SPAG9: variants seen among roughly 807,000 people sequenced by gnomAD.
SPAG9 encodes sperm associated antigen 9.
A neutral mutation model predicts 166.5 loss-of-function variants in SPAG9; 35 were observed. The ratio of observed to expected loss-of-function variants is 0.21; its 90% confidence interval spans 0.16 to 0.28. SPAG9 has a LOEUF of 0.28. SPAG9 is among the 10% of genes least tolerant of loss of function. The pLI is 1.00. For missense variants in SPAG9, 1,235 were observed against 1,603.3 expected (o/e 0.77, Z 3.92); for synonymous variants, 534 against 565.5 (o/e 0.94, Z 0.79).
At chr17:50,969,769 C>T (rs778113389) in intron 29 of SPAG9, among the ~76,000 whole-genome samples, 50 of 152,272 alleles carry the variant, frequency 3.3e-4, no homozygotes, top group Middle Eastern at 3.4e-3. Flanking sequence ...ACCCCATTCC[C>T]CAACCTGACC....
At chr17:50,975,052 G>T in intron 27 of SPAG9, 105 bp from the exon 28 acceptor site, 1 of 1,091,408 alleles carries the variant, frequency 9.2e-7, no homozygotes, top group Non-Finnish European at 1.3e-6. Context: ...GCTACAGCCA[G>T]TTGAGATAAA....
chr17:51,090,482 G>A (rs2048435655), intron 1 of SPAG9, among the ~76,000 whole-genome samples: 1 of 152,014 alleles, frequency 6.6e-6, no homozygotes, highest in South Asian at 2.1e-4. Flanking sequence ...GTCCAGCCTG[G>A]GCAACAGAGC....
chr17:51,001,877 G>A, intron 12 of SPAG9, 32 bp from the exon 13 acceptor site: 1 of 1,600,046 alleles, frequency 6.2e-7, no homozygotes, highest in Non-Finnish European at 8.5e-7. Context: ...ATATCATTCT[G>A]GAAGCTTATA....
chr17:51,005,116 CTT>C, intron 12 of SPAG9, 94 bp downstream of exon 12: 1 of 1,020,348 alleles, frequency 9.8e-7, no homozygotes, highest in Non-Finnish European at 1.5e-6. Flanking sequence ...TTTTAAAAAT[CTT>C]TATAGTATTA....
At chr17:51,067,440 C>T (rs1598118444) in intron 2 of SPAG9, among the ~76,000 whole-genome samples, 1 of 152,146 alleles carries the variant, frequency 6.6e-6, no homozygotes, top group Non-Finnish European at 1.5e-5. Flanking sequence ...TAGACATCCT[C>T]GAAAGCCTCA....
At chr17:51,005,575 G>T (rs1351428756) in intron 11 of SPAG9, among the ~76,000 whole-genome samples, 2 of 152,248 alleles carry the variant, frequency 1.3e-5, no homozygotes, top group East Asian at 3.8e-4. Flanking sequence ...TTTAGGCCGG[G>T]TGCAGTGGCT....
At chr17:51,053,855 GTATATATATATATATA>G (rs1161592026) in intron 3 of SPAG9, among the ~76,000 whole-genome samples, 688 of 37,740 alleles carry the variant, frequency 0.018, 35 homozygotes, top group East Asian at 0.045. Flanking sequence ...AAAAAAAAAA[GTATATATATATATATA>G]TATATATATA....
At chr17:50,967,026 AGCC>A (rs774209933) in intron 29 of SPAG9, among the ~76,000 whole-genome samples, 7 of 152,254 alleles carry the variant, frequency 4.6e-5, no homozygotes, top group Non-Finnish European at 1.0e-4. Flanking sequence ...TTGGGGTAGC[AGCC>A]AAGATACAGG....
intron 6 of SPAG9, among the ~76,000 whole-genome samples, chr17:51,027,013 T>A (rs1355058234): frequency 2.6e-5 from 4 of 152,244 alleles, no homozygotes. Flanking sequence ...CTTCTTGGTA[T>A]CCCAGGCAGT....
At chr17:51,072,608 T>C (rs918288374) in intron 2 of SPAG9, among the ~76,000 whole-genome samples, 1 of 151,578 alleles carries the variant, frequency 6.6e-6, no homozygotes, top group East Asian at 2.0e-4. Context: ...CTCTTGAACC[T>C]GGGAGGCGGA....
In SPAG9 at chr17:50,989,561, T is replaced by C; in HGVS notation, c.2813+116A>G. 7.3e-6 allele frequency: 6 copies of C among 826,986 alleles called. 1 individual carries two copies. In the South Asian group the frequency reaches 8.7e-5, roughly 12 times the overall value. The allele number at this position is 826,986 out of a possible 1,614,324, so 51.2% of individuals were successfully genotyped here. On this transcript the variant is annotated intron_variant, in intron 21 of 29. Transcript: ENST00000262013. ...AAATTATCACAAGAATAGGTATCTT[T>C]TAATCCACCACAGTGACACTAATTA...
At chr17:51,031,188 T>A (rs1598040623) in intron 6 of SPAG9, 1 of 160,238 alleles carries the variant, frequency 6.2e-6, no homozygotes, top group Non-Finnish European at 1.4e-5. Context: ...TGCTGGGATT[T>A]CAGGCATGAG....
chr17:51,053,855 GTATATATA>G lies in SPAG9; in HGVS notation c.495+2549_495+2556del, dbSNP rs1161592026. On this transcript the variant is annotated intron_variant, in intron 3 of 29. Transcript: ENST00000262013. ...CCTAATTAAAAAAAAAAAAAAAAAA[GTATATATA>G]TATATATATATATATATATATATAT... Among the ~76,000 whole-genome samples, 199 of 37,728 alleles carry G rather than the reference GTATATATA, an allele frequency of 5.3e-3. 2 individuals are homozygous for G. Among genetic ancestry groups the G allele is most frequent in the Middle Eastern group, 0.062 (2 of 32 alleles). The allele number at this position is 37,728 out of a possible 152,430, so 24.8% of individuals were successfully genotyped here.
At chr17:51,074,298 G>A (rs992705348) in intron 2 of SPAG9, among the ~76,000 whole-genome samples, 4 of 152,136 alleles carry the variant, frequency 2.6e-5, no homozygotes, top group Non-Finnish European at 4.4e-5. Flanking sequence ...GGTGGTGCAC[G>A]CCTGTAATCC....
chr17:51,031,962 A>C, intron 5 of SPAG9: 1 of 635,300 alleles, frequency 1.6e-6, no homozygotes, highest in South Asian at 1.5e-5. Flanking sequence ...ACTTATCAAC[A>C]TGCAGCTCAT....
intron 2 of SPAG9, among the ~76,000 whole-genome samples, chr17:51,066,554 C>CAAAAAAAAAAAAA (rs1297678240): frequency 4.7e-5 from 1 of 21,340 alleles, no homozygotes; most frequent in African/African-American, 1.7e-4. Context: ...GACTCTGTCT[C>CAAAAAAAAAAAAA]AAAAAAAAAA....
At chr17:51,044,075 G>A (rs1220618156) in intron 4 of SPAG9, among the ~76,000 whole-genome samples, 1 of 152,078 alleles carries the variant, frequency 6.6e-6, no homozygotes, top group Non-Finnish European at 1.5e-5. Context: ...CTGTCAAGTG[G>A]GTCAATGATG....
chr17:51,007,325 T>G lies in SPAG9; in HGVS notation c.1215A>C (p.Gly405=), dbSNP rs774891176. Residue 405 remains glycine, a splice_region_variant and synonymous_variant, in exon 10 of 30, where the codon GGA becomes GGC. Transcript: ENST00000262013. ...TAAGATTCTCAACTTCCCGACCCAT[T>G]CCTATCAAACGAAAAAAGATAAAGA... ...GDVDEGADLL[G]MGREVENLIL... 1.3e-6 allele frequency: 2 copies of G among 1,562,080 alleles called. No individual in the cohort carries two copies. The highest frequency in any genetic ancestry group is 3.6e-5 in the Admixed American group (2 of 56,264).
rs750023271 is a variant in SPAG9, at chr17:51,021,384, T to C, written c.784-19A>G. ...GCTCATCCTACAAATAAAAATAATT[T>C]AAAATAAAATTTTAAATGACGAATT... On this transcript the variant is annotated intron_variant, in intron 6 of 29. Coordinates refer to ENST00000262013, the MANE Select transcript of SPAG9 (RefSeq NM_001130528.3). 6.4e-7 allele frequency: 1 copy of C among 1,561,578 alleles called. No individual in the cohort carries two copies. The highest frequency in any genetic ancestry group is 8.7e-7 in the Non-Finnish European group (1 of 1,152,208).
Sources: allele counts gnomAD v4.1 joint callset (sites outside exome capture counted in the v4.1 genomes callset), GRCh38; gene constraint gnomAD v4.1.1; transcripts MANE v1.5; gene names NCBI Gene and HGNC (gene_info 2026-07-23, HGNC 2026-07-21).